Variants in ZNF496 observed in about 807,000 individuals in gnomAD.
ZNF496 encodes the protein zinc finger protein 496.
A neutral mutation model predicts 58.9 loss-of-function variants in ZNF496; 11 were observed. The ratio of observed to expected loss-of-function variants is 0.19; its 90% CI spans 0.12 to 0.31. The LOEUF (loss-of-function observed/expected upper bound fraction) is 0.31, where lower values mean the gene tolerates loss of function less well. Among genes scored for constraint, ZNF496 ranks in the 10% least tolerant of loss-of-function variants. ZNF496 has a pLI of 1.00. For missense variants in ZNF496, 660 were observed against 783.0 expected, an observed-to-expected ratio of 0.84 and a Z score of 1.88; for synonymous variants, 338 against 318.2, an observed-to-expected ratio of 1.06 and a Z score of -0.66.
At chr1:247,315,312 C>T (rs765547229) in intron 6 of ZNF496, among the ~76,000 whole-genome samples, 5 of 152,068 alleles carry the variant, frequency 3.3e-5, no homozygotes, top group African/African-American at 7.2e-5. Context: ...CTGCAAAATG[C>T]GTGGCCTGAG....
chr1:247,306,439 TG>T (rs1382963906), intron 9 of ZNF496, among the ~76,000 whole-genome samples: 1 of 151,558 alleles, frequency 6.6e-6, no homozygotes, highest in Non-Finnish European at 1.5e-5. Flanking sequence ...CTCAGCGATC[TG>T]CCTGCCTCAG....
rs774616123 is a variant in ZNF496, at chr1:247,300,632, G to A, written c.1651C>T (p.Arg551Trp). The A allele has an allele frequency of 8.1e-6, 13 of 1,614,150 alleles. No individual in the cohort carries two copies. In the South Asian group the frequency reaches 8.8e-5, roughly 11 times the overall value. ...RSHFHLKDKA[R>W]PFQCRYCVKS... The stretch of plus-strand genomic sequence containing the variant: ...ACGCAGTACCGGCACTGGAAGGGCC[G>A]GGCTTTGTCCTTCAGGTGAAAGTGG... The change falls in exon 10 of 10, where the codon CGG (arginine) becomes TGG (tryptophan). Residue 551 changes from arginine to tryptophan, a missense_variant. Arg to Trp is a moderately radical substitution (Grantham distance 101). Coordinates refer to ENST00000682384, the MANE Select transcript of ZNF496 (RefSeq NM_032752.3). This position sits in a 1 kb window ranked among gnomAD's most constrained non-coding sequence, Gnocchi z 5.7.
intron 6 of ZNF496, chr1:247,322,845 G>A: frequency 7.9e-7 from 1 of 1,264,356 alleles, no homozygotes; most frequent in African/African-American, 1.5e-5. Flanking sequence ...TTTTTCACAA[G>A]AGGGGAACTT....
rs1659502471 is a variant in ZNF496 at position 247,308,899 on chromosome 1, G to A, written c.893-311C>T. 2 of 360,638 alleles carry A rather than the reference G, an allele frequency of 5.5e-6. No individual in the cohort carries two copies. Among genetic ancestry groups the A allele is most frequent in the Non-Finnish European group, 5.3e-6 (1 of 187,572 alleles). 22.3% of individuals were successfully genotyped at this position (360,638 alleles called of 1,614,324 possible). A position where few individuals can be genotyped will look rare whatever the true frequency, so the allele number is the denominator to read the frequency against. ...CATATTTATTCCCACTTTCTGTGGT[G>A]GGTTTTCTATAGTCATCACCACAGG... On this transcript the variant is annotated intron_variant, in intron 8 of 9. Transcript: ENST00000682384. This position sits in a 1 kb window ranked among gnomAD's most constrained non-coding sequence, Gnocchi z 4.5.
intron 6 of ZNF496, chr1:247,322,910 C>G: frequency 1.1e-6 from 1 of 871,904 alleles, no homozygotes; most frequent in Non-Finnish European, 1.7e-6. Context: ...TTCCTGCTAT[C>G]GTCTGCACAA....
At chr1:247,317,339 C>T (rs1242762959) in intron 6 of ZNF496, among the ~76,000 whole-genome samples, 2 of 152,214 alleles carry the variant, frequency 1.3e-5, no homozygotes, top group Non-Finnish European at 2.9e-5. Context: ...ACAAAAGCCA[C>T]AGGACCTGGA....
In ZNF496 at chr1:247,309,670, G is replaced by A. The variant is rs375724836; in HGVS notation, c.892+29C>T. The A allele has an allele frequency of 1.2e-6, 2 of 1,613,568 alleles. No individual in the cohort carries two copies. Among genetic ancestry groups the A allele is most frequent in the African/African-American group, 2.7e-5 (2 of 74,898 alleles). ...TGCCAGCAACCCTTCCCCCTACTCT[G>A]TCCACTCAGTTCTGGAATCATTACT... On this transcript the variant is annotated intron_variant, in intron 8 of 9. Transcript: ENST00000682384. This position sits in a 1 kb window ranked among gnomAD's most constrained non-coding sequence, Gnocchi z 4.3.
Position 247,297,985 on chromosome 1 carries a change from G to A in ZNF496, c.*2534C>T, listed in dbSNP as rs547440314. 1 of 152,288 alleles carries A rather than the reference G, an allele frequency of 6.6e-6. No homozygotes were observed. The highest frequency in any genetic ancestry group is 2.1e-4 in the South Asian group (1 of 4,830). 9.4% of individuals were successfully genotyped at this position (152,288 alleles called of 1,614,324 possible). On this transcript the variant is annotated 3_prime_UTR_variant, in exon 10 of 10. Coordinates refer to ENST00000682384, the MANE Select transcript of ZNF496 (RefSeq NM_032752.3). ...TGTTCTTCTCTTGAGTCAGACGTCT[G>A]AAGCAGGAAGGTGAATAACCTTCCC...
At chr1:247,316,426 C>T (rs1038142652) in intron 6 of ZNF496, among the ~76,000 whole-genome samples, 7 of 151,990 alleles carry the variant, frequency 4.6e-5, no homozygotes, top group Middle Eastern at 3.4e-3. Flanking sequence ...GTGGCCTTTA[C>T]GAGGTGATGA....
intron 6 of ZNF496, among the ~76,000 whole-genome samples, chr1:247,322,183 C>A (rs77228628): frequency 6.6e-6 from 1 of 152,020 alleles, no homozygotes; most frequent in South Asian, 2.1e-4. Context: ...CTCAGGAGAC[C>A]GAGGTGGGAG....
At chr1:247,323,051 C>A in intron 6 of ZNF496, 103 bp downstream of exon 6, 2 of 963,030 alleles carry the variant, frequency 2.1e-6, no homozygotes, top group Non-Finnish European at 3.2e-6. Flanking sequence ...GACTGAACAT[C>A]CTGTGTGGCA....
At position 247,309,459 on chromosome 1, in the gene ZNF496, C is replaced by A. The variant is rs931922037; in HGVS notation, c.892+240G>T. 10 of 1,364,358 alleles carry A rather than the reference C, an allele frequency of 7.3e-6. No individual in the cohort carries two copies. The highest frequency in any genetic ancestry group is 3.2e-5 in the Admixed American group (1 of 31,580). The allele number at this position is 1,364,358 out of a possible 1,614,324, so 84.5% of individuals were successfully genotyped here. ...CTTACAGGCAGAGGAGAAAGACATT[C>A]CTATTATTTCCCAGTCCTTGGCCAA... On this transcript the variant is annotated intron_variant, in intron 8 of 9. Transcript: ENST00000682384. This position sits in a 1 kb window ranked among gnomAD's most constrained non-coding sequence, Gnocchi z 4.3.
At position 247,300,477 on chromosome 1, in the gene ZNF496, G is replaced by C. The variant is rs1248730978; in HGVS notation, c.*42C>G. ...GGCGCTGATCAGTACCAAGGTGAGG[G>C]GGCAGCACCAGCCAGGGTGAGGCCG... On this transcript the variant is annotated 3_prime_UTR_variant, in exon 10 of 10. Coordinates refer to ENST00000682384, the MANE Select transcript of ZNF496 (RefSeq NM_032752.3). The surrounding 1 kb of genome is among the most constrained non-coding windows in gnomAD (Gnocchi z 5.7). The C allele has an allele frequency of 3.2e-6, 5 of 1,563,932 alleles. No homozygotes were observed. The highest frequency in any genetic ancestry group is 4.3e-6 in the Non-Finnish European group (5 of 1,153,516).
At chr1:247,327,339 C>G (rs915775609) in intron 5 of ZNF496, among the ~76,000 whole-genome samples, 1 of 152,334 alleles carries the variant, frequency 6.6e-6, no homozygotes, top group East Asian at 1.9e-4. Context: ...GCTGGGATTA[C>G]AGGCGTGAGC....
intron 6 of ZNF496, chr1:247,322,633 C>T (rs1165739023): frequency 1.3e-5 from 14 of 1,093,444 alleles, no homozygotes; most frequent in African/African-American, 4.9e-5. Context: ...TCAGAGCACC[C>T]GAGTAAGCAA....
chr1:247,326,069 TACAC>T lies in ZNF496; in HGVS notation c.574+2610_574+2613del, dbSNP rs386370384. Among the ~76,000 whole-genome samples, 6 of 146,616 alleles carry T rather than the reference TACAC, an allele frequency of 4.1e-5. No homozygotes were observed. The South Asian group carries it at 1.3e-3, about 32-fold the overall frequency. Reference sequence around the variant, plus strand: ...ATATATACACACACACACACATATATACACACACACACACATATATACACACACA... The same window carrying T: ...ATATATACACACACACACACATATATACACACACACATATATACACACACA... On this transcript the variant is annotated intron_variant, in intron 5 of 9. Coordinates refer to ENST00000682384, the MANE Select transcript of ZNF496 (RefSeq NM_032752.3).
intron 6 of ZNF496, among the ~76,000 whole-genome samples, chr1:247,315,060 CTT>C (rs67977969): frequency 0.28 from 33,812 of 121,462 alleles, 4,816 homozygotes; most frequent in Middle Eastern, 0.42. Flanking sequence ...CTTGACTAGT[CTT>C]TTTTTTTTTT....
rs1351684433 is a variant in ZNF496 at position 247,323,199 on chromosome 1, C to T, written c.606G>A (p.Glu202=). ...TCACCTGCTGTGTGTCCCGCACATTCTCTTCCTGAAGAAGGAAAGCATCTT... is the reference window on the plus strand; with the variant it reads ...TCACCTGCTGTGTGTCCCGCACATTTTCTTCCTGAAGAAGGAAAGCATCTT... The part of the protein sequence containing the change: ...VLQDAFLLQE[E]NVRDTQQVTT... Residue 202 remains glutamate (E), a synonymous_variant, in exon 6 of 10, where the codon GAG becomes GAA. Transcript: ENST00000682384. The T allele has an allele frequency of 6.2e-7, 1 of 1,613,996 alleles. No homozygotes were observed. Among genetic ancestry groups the T allele is most frequent in the Admixed American group, 1.7e-5 (1 of 60,012 alleles).
intron 5 of ZNF496, among the ~76,000 whole-genome samples, chr1:247,325,770 T>C (rs779225657): frequency 3.9e-5 from 6 of 152,116 alleles, no homozygotes; most frequent in South Asian, 2.1e-4. Context: ...GCTGGAACTA[T>C]AGGCATGAGC....
Sources: gnomAD v4.1 joint callset for allele counts (sites outside exome capture counted in the v4.1 genomes callset) on GRCh38, gnomAD v4.1.1 for gene constraint, Gnocchi (gnomAD v3.1) non-coding constraint, MANE v1.5 for transcripts, NCBI Gene and HGNC (gene_info 2026-07-23, HGNC 2026-07-21) for gene names.